The following BICRAL variants were observed in gnomAD, a reference collection of about 807,000 sequenced individuals.
BICRAL encodes the protein BICRA like chromatin remodeling complex associated protein.
In BICRAL, 8 loss-of-function variants were observed where a neutral mutation model predicts 91.8. The ratio of observed to expected loss-of-function variants is 0.09; its 90% confidence interval spans 0.05 to 0.16. BICRAL has a LOEUF of 0.16. BICRAL is among the 10% of genes least tolerant of loss of function. The probability of loss-of-function intolerance (pLI) is 1.00; values close to 1 mark genes in which losing one functional copy is unlikely to be tolerated. For missense variants in BICRAL, 1,038 were observed against 1,310.9 expected (o/e 0.79, Z 3.21); for synonymous variants, 445 against 491.1 (o/e 0.91, Z 1.24).
At chr6:42,802,745 C>A (rs1235184460) in intron 1 of BICRAL, among the ~76,000 whole-genome samples, 3 of 151,820 alleles carry the variant, frequency 2.0e-5, no homozygotes, top group African/African-American at 7.3e-5. Flanking sequence ...CCGTGCCTGG[C>A]CTTTTTTTTG....
At chr6:42,784,719 T>C (rs1763051253) in intron 1 of BICRAL, among the ~76,000 whole-genome samples, 1 of 152,230 alleles carries the variant, frequency 6.6e-6, no homozygotes, top group Non-Finnish European at 1.5e-5. Flanking sequence ...ACACCTATGG[T>C]TTCCAAATGT....
intron 1 of BICRAL, among the ~76,000 whole-genome samples, chr6:42,773,275 G>A (rs1452807093): frequency 6.6e-5 from 10 of 151,626 alleles, no homozygotes; most frequent in South Asian, 2.1e-4. Context: ...ACAAGGTTTC[G>A]CCATTTTGGC....
chr6:42,795,298 G>A (rs1763389542), intron 1 of BICRAL, among the ~76,000 whole-genome samples: 1 of 152,136 alleles, frequency 6.6e-6, no homozygotes. Context: ...GGGCATAATG[G>A]TGCACGCCTG....
At chr6:42,833,945 C>T (rs1203049815) in intron 6 of BICRAL, among the ~76,000 whole-genome samples, 1 of 152,086 alleles carries the variant, frequency 6.6e-6, no homozygotes, top group East Asian at 1.9e-4. Flanking sequence ...ACCTCTGCCT[C>T]GCAGGTTCAA....
intron 1 of BICRAL, among the ~76,000 whole-genome samples, chr6:42,748,748 T>G (rs1762330581): frequency 6.6e-6 from 1 of 152,198 alleles, no homozygotes; most frequent in Admixed American, 6.5e-5. Context: ...CCTGCACAGC[T>G]GCAGGCTGTG....
At chr6:42,782,478 G>T (rs1037040220) in intron 1 of BICRAL, among the ~76,000 whole-genome samples, 3 of 150,990 alleles carry the variant, frequency 2.0e-5, no homozygotes, top group Non-Finnish European at 4.4e-5. Context: ...TCAGTGTCTC[G>T]GGCGGGGGCG....
chr6:42,820,810 C>G (rs1764116471), intron 2 of BICRAL, among the ~76,000 whole-genome samples: 1 of 152,330 alleles, frequency 6.6e-6, no homozygotes, highest in Admixed American at 6.5e-5. Flanking sequence ...CATTCAGCAT[C>G]TGAATGAATT....
chr6:42,808,545 TTGA>T (rs1763775466), intron 1 of BICRAL, among the ~76,000 whole-genome samples: 1 of 152,242 alleles, frequency 6.6e-6, no homozygotes, highest in South Asian at 2.1e-4. Context: ...TTCACCATTG[TTGA>T]TGATCATTCC....
Position 42,866,997 on chromosome 6 carries a change from C to G in BICRAL, c.*1551C>G, listed in dbSNP as rs377704276. 249 of 398,942 alleles carry G rather than the reference C, an allele frequency of 6.2e-4. No individual in the cohort carries two copies. Among genetic ancestry groups the G allele is most frequent in the African/African-American group, 4.2e-3 (206 of 48,498 alleles). The allele number at this position is 398,942 out of a possible 1,614,324, so 24.7% of individuals were successfully genotyped here. A position where few individuals can be genotyped will look rare whatever the true frequency, so the allele number is the denominator to read the frequency against. ...TTGTTACAGTGTGTGCACACTCACT[C>G]TCCTTCTTAGTGTGCATACTCTCTC... On this transcript the variant is annotated 3_prime_UTR_variant, in exon 13 of 13. Transcript: ENST00000314073.
At chr6:42,838,788 C>T (rs1046085327) in intron 6 of BICRAL, among the ~76,000 whole-genome samples, 1 of 152,062 alleles carries the variant, frequency 6.6e-6, no homozygotes, top group African/African-American at 2.4e-5. Context: ...TGGCAAAACC[C>T]CATCTCTACT....
intron 2 of BICRAL, among the ~76,000 whole-genome samples, chr6:42,815,017 C>T (rs573370374): frequency 2.7e-5 from 4 of 149,974 alleles, no homozygotes; most frequent in Admixed American, 6.7e-5. Flanking sequence ...TCAAGAGATT[C>T]TCATGCCTCA....
rs1765716697 is a variant in BICRAL at position 42,866,648 on chromosome 6, A to C, written c.*1202A>C. ...AACCAGCTAGCCCACCACTGAAAGGAAAGATCTGAGACATGGGATTCCCAT... is the reference window on the plus strand; with the variant it reads ...AACCAGCTAGCCCACCACTGAAAGGCAAGATCTGAGACATGGGATTCCCAT... On this transcript the variant is annotated 3_prime_UTR_variant, in exon 13 of 13. Transcript: ENST00000314073. The C allele has an allele frequency of 2.8e-6, 1 of 358,682 alleles. No homozygotes were observed. The highest frequency in any genetic ancestry group is 5.5e-6 in the Non-Finnish European group (1 of 181,590). The allele number at this position is 358,682 out of a possible 1,614,324, so 22.2% of individuals were successfully genotyped here. A position where few individuals can be genotyped will look rare whatever the true frequency, so the allele number is the denominator to read the frequency against.
intron 1 of BICRAL, among the ~76,000 whole-genome samples, chr6:42,756,138 C>T (rs184879632): frequency 6.3e-4 from 96 of 152,332 alleles, no homozygotes; most frequent in African/African-American, 2.3e-3. Flanking sequence ...CAATAGTCTA[C>T]ATTTGCTGTG....
chr6:42,771,880 A>T (rs904998237), intron 1 of BICRAL, among the ~76,000 whole-genome samples: 1 of 148,058 alleles, frequency 6.8e-6, no homozygotes, highest in Non-Finnish European at 1.5e-5. Flanking sequence ...AAAGCAATTA[A>T]AGTATTTATT....
chr6:42,849,371 TCAC>T (rs1765110702), intron 6 of BICRAL, among the ~76,000 whole-genome samples: 1 of 149,006 alleles, frequency 6.7e-6, no homozygotes, highest in Non-Finnish European at 1.5e-5. Flanking sequence ...CAGGCATGAG[TCAC>T]CACATCTGGC....
chr6:42,746,623 G>A (rs1039822226), upstream of BICRAL, among the ~76,000 whole-genome samples: 2 of 152,098 alleles, frequency 1.3e-5, no homozygotes, highest in Admixed American at 1.3e-4. Context: ...GCTGGCTGGG[G>A]AGCCGCTTGC....
chr6:42,810,647 A>G (rs563161729), intron 2 of BICRAL, among the ~76,000 whole-genome samples: 9 of 152,344 alleles, frequency 5.9e-5, no homozygotes, highest in East Asian at 5.8e-4. Context: ...GTTTGCTCAA[A>G]CACAATAGTT....
intron 1 of BICRAL, among the ~76,000 whole-genome samples, chr6:42,785,848 G>A (rs566909561): frequency 1.3e-5 from 2 of 152,316 alleles, no homozygotes; most frequent in Non-Finnish European, 2.9e-5. Flanking sequence ...GAGGTCAGGA[G>A]TTCGAGACCA....
intron 1 of BICRAL, among the ~76,000 whole-genome samples, chr6:42,809,809 C>T (rs559728304): frequency 3.2e-4 from 48 of 151,154 alleles, no homozygotes; most frequent in African/African-American, 1.1e-3. Context: ...TTTTTTGAGA[C>T]GGAATCTCCC....
Sources: gnomAD v4.1 joint callset for allele counts (sites outside exome capture counted in the v4.1 genomes callset) on GRCh38, gnomAD v4.1.1 for gene constraint, MANE v1.5 for transcripts, NCBI Gene and HGNC (gene_info 2026-07-23, HGNC 2026-07-21) for gene names.